AFF3: variants seen among roughly 807,000 people sequenced by gnomAD.
AFF3 encodes AF4/FMR2 family member 3.
In AFF3, 32 loss-of-function variants were observed where a neutral mutation model predicts 129.7. The ratio of observed to expected loss-of-function variants is 0.25; its 90% CI spans 0.19 to 0.33. The LOEUF is 0.33. Ranked by LOEUF, AFF3 falls within the 10% of genes least tolerant of loss-of-function variation. The pLI, the probability that AFF3 is intolerant of heterozygous loss-of-function variation, is 1.00. For synonymous variants in AFF3, 644 were observed against 635.4 expected, an observed-to-expected ratio of 1.01 and a Z score of -0.20; for missense variants, 1,373 against 1,592.0, an observed-to-expected ratio of 0.86 and a Z score of 2.34.
intron 7 of AFF3, among the ~76,000 whole-genome samples, chr2:99,969,343 A>G (rs952454512): frequency 5.9e-5 from 9 of 152,062 alleles, no homozygotes; most frequent in Admixed American, 3.9e-4. Flanking sequence ...TGTTTGGACA[A>G]CTCCTCTCAC....
At chr2:99,569,504 C>T (rs188177622) in intron 18 of AFF3, among the ~76,000 whole-genome samples, 85 of 152,288 alleles carry the variant, frequency 5.6e-4, no homozygotes, top group African/African-American at 1.9e-3. Flanking sequence ...TGTAACAATG[C>T]AAACATGCCA....
At chr2:99,567,023 A>G (rs2053914) in intron 19 of AFF3, among the ~76,000 whole-genome samples, 25,315 of 149,842 alleles carry the variant, frequency 0.17, 5,122 homozygotes, top group African/African-American at 0.48. Flanking sequence ...GCTGGAGTGC[A>G]GTGGCATGAT....
intron 8 of AFF3, among the ~76,000 whole-genome samples, chr2:99,827,744 G>A (rs1688201492): frequency 1.3e-5 from 2 of 151,990 alleles, no homozygotes; most frequent in Non-Finnish European, 2.9e-5. Context: ...TGTTTACTGA[G>A]AATGAGATGC....
intron 7 of AFF3, among the ~76,000 whole-genome samples, chr2:99,998,293 G>C (rs116204215): frequency 1.3e-5 from 2 of 152,282 alleles, no homozygotes; most frequent in Non-Finnish European, 2.9e-5. Flanking sequence ...TCAGCATAAG[G>C]GTCAGAGTTG....
At chr2:100,121,597 A>G (rs965512066) in intron 2 of AFF3, among the ~76,000 whole-genome samples, 4 of 152,208 alleles carry the variant, frequency 2.6e-5, no homozygotes, top group Non-Finnish European at 4.4e-5. Flanking sequence ...TTTCAGCTGA[A>G]TCTTAAAGGA....
At chr2:99,625,805 C>T (rs1330452502) in intron 13 of AFF3, among the ~76,000 whole-genome samples, 1 of 152,112 alleles carries the variant, frequency 6.6e-6, no homozygotes, top group Admixed American at 6.5e-5. Flanking sequence ...TTCAAAGTTG[C>T]AAAATTCAAG....
At chr2:99,589,240 A>G (rs926464539) in intron 15 of AFF3, among the ~76,000 whole-genome samples, 19 of 152,182 alleles carry the variant, frequency 1.2e-4, no homozygotes, top group African/African-American at 4.6e-4. Context: ...TACACTCAAC[A>G]AAGACTGAGC....
At chr2:99,874,604 TA>T (rs1309643648) in intron 7 of AFF3, among the ~76,000 whole-genome samples, 2 of 152,214 alleles carry the variant, frequency 1.3e-5, no homozygotes, top group Non-Finnish European at 2.9e-5. Flanking sequence ...GTGATTTTTT[TA>T]AGACAATTTT....
chr2:99,955,834 C>G (rs753083736), intron 7 of AFF3, among the ~76,000 whole-genome samples: 3 of 152,174 alleles, frequency 2.0e-5, no homozygotes, highest in Non-Finnish European at 2.9e-5. Context: ...ACAAAAATCT[C>G]TCCTTTTGGC....
chr2:99,849,348 C>T (rs1173322448), intron 7 of AFF3, among the ~76,000 whole-genome samples: 1 of 152,124 alleles, frequency 6.6e-6, no homozygotes, highest in African/African-American at 2.4e-5. Context: ...CTAGCTCTTC[C>T]CTAAGATAGG....
chr2:99,886,407 C>T (rs1331838777), intron 7 of AFF3, among the ~76,000 whole-genome samples: 1 of 147,138 alleles, frequency 6.8e-6, no homozygotes, highest in Admixed American at 7.1e-5. Flanking sequence ...CATACTCACT[C>T]GAGTCATTAC....
rs148826696 is a variant in AFF3, at chr2:99,690,754, A to G, written c.1092-18165T>C. ...CTTTTCACAAATATATTTTGGTTAA[A>G]AGTATACTAACCCAAGGTAAGAATT... On this transcript the variant is annotated intron_variant, in intron 11 of 24. Transcript: ENST00000672756. Among the ~76,000 whole-genome samples the G allele has an allele frequency of 1.8e-3, 267 of 152,002 alleles. 2 individuals carry two copies. The highest frequency in any genetic ancestry group is 6.2e-3 in the African/African-American group (256 of 41,480).
intron 7 of AFF3, among the ~76,000 whole-genome samples, chr2:99,862,189 A>AT (rs966789120): frequency 1.3e-5 from 2 of 151,446 alleles, no homozygotes; most frequent in Admixed American, 6.6e-5. Context: ...TATACTTCCT[A>AT]TTTTTTTTCC....
chr2:99,899,970 T>G (rs79882995), intron 7 of AFF3, among the ~76,000 whole-genome samples: 4,543 of 152,294 alleles, frequency 0.03, 95 homozygotes, highest in Non-Finnish European at 0.045. Flanking sequence ...AGGGCTTTAT[T>G]GTTAAACCAT....
chr2:100,005,811 C>G (rs1009241391), intron 7 of AFF3, among the ~76,000 whole-genome samples: 1 of 152,126 alleles, frequency 6.6e-6, no homozygotes, highest in Admixed American at 6.6e-5. Flanking sequence ...CAACAAATGT[C>G]AAATCATTGC....
intron 4 of AFF3, among the ~76,000 whole-genome samples, chr2:100,036,767 T>A (rs1206562773): frequency 6.9e-6 from 1 of 144,222 alleles, no homozygotes; most frequent in Non-Finnish European, 1.5e-5. Flanking sequence ...AGTTGGGACA[T>A]GAGGTGGGGG....
intron 7 of AFF3, among the ~76,000 whole-genome samples, chr2:99,971,885 A>G (rs1464486050): frequency 6.6e-6 from 1 of 152,230 alleles, no homozygotes; most frequent in Non-Finnish European, 1.5e-5. Context: ...GCAGAAAAAA[A>G]AGAAAAATTT....
chr2:99,861,145 G>A (rs1310684295), intron 7 of AFF3, among the ~76,000 whole-genome samples: 1 of 152,130 alleles, frequency 6.6e-6, no homozygotes, highest in Non-Finnish European at 1.5e-5. Context: ...AATCATACTG[G>A]TAACAGACCA....
chr2:99,865,076 G>A (rs1486127606), intron 7 of AFF3, among the ~76,000 whole-genome samples: 1 of 152,218 alleles, frequency 6.6e-6, no homozygotes, highest in Non-Finnish European at 1.5e-5. Context: ...TGTATTTGCT[G>A]AGCCCAAACT....
Sources: gnomAD v4.1 joint callset for allele counts (sites outside exome capture counted in the v4.1 genomes callset) on GRCh38, gnomAD v4.1.1 for gene constraint, MANE v1.5 for transcripts, NCBI Gene and HGNC (gene_info 2026-07-23, HGNC 2026-07-21) for gene names.